The following RPS6KA3 variants were observed in gnomAD, a reference collection of about 807,000 sequenced individuals.
RPS6KA3 encodes the protein ribosomal protein S6 kinase A3, also known as ribosomal protein S6 kinase alpha-3.
A neutral mutation model predicts 67.2 loss-of-function variants in RPS6KA3; 4 were observed. That is an observed-to-expected ratio of 0.06 (90% CI 0.03 to 0.14). The LOEUF is 0.14. Ranked by LOEUF, RPS6KA3 falls within the 10% of genes least tolerant of loss-of-function variation. The probability of loss-of-function intolerance (pLI) is 1.00; values close to 1 mark genes in which losing one functional copy is unlikely to be tolerated. For synonymous variants in RPS6KA3, 182 were observed against 183.7 expected, an observed-to-expected ratio of 0.99 and a Z score of 0.07; for missense variants, 204 against 559.0, an observed-to-expected ratio of 0.36 and a Z score of 6.40.
chrX:20,214,369 T>C (rs1258234062), intron 2 of RPS6KA3, among the ~76,000 whole-genome samples: 1 of 112,616 alleles, frequency 8.9e-6, no homozygotes, highest in African/African-American at 3.2e-5. Context: ...TCTGTAAATG[T>C]TGTTATTTTG....
intron 4 of RPS6KA3, 22 bp downstream of exon 4, chrX:20,204,000 T>C: frequency 1.7e-6 from 2 of 1,143,460 alleles, no homozygotes; most frequent in Non-Finnish European, 2.4e-6. Flanking sequence ...ACATGAACAT[T>C]ACAAATAGCA....
intron 4 of RPS6KA3, 150 bp from the exon 5 acceptor site, chrX:20,195,295 A>G: frequency 4.7e-6 from 2 of 428,406 alleles, no homozygotes; most frequent in Admixed American, 3.6e-5. Context: ...AAAATCAATA[A>G]TGATGTCTTT....
intron 2 of RPS6KA3, among the ~76,000 whole-genome samples, chrX:20,226,811 T>G (rs1013120748): frequency 1.8e-5 from 2 of 111,719 alleles, no homozygotes; most frequent in African/African-American, 6.5e-5. Flanking sequence ...TTATAATACT[T>G]TCTCTTGATT....
intron 1 of RPS6KA3, among the ~76,000 whole-genome samples, chrX:20,249,073 A>G (rs753273257): frequency 8.9e-6 from 1 of 112,296 alleles, no homozygotes; most frequent in Non-Finnish European, 1.9e-5. Context: ...TATAAATCAT[A>G]TAGCATGTGA....
At chrX:20,235,663 C>G (rs2069389092) in intron 1 of RPS6KA3, 1 of 111,265 alleles carries the variant, frequency 9.0e-6, no homozygotes, top group Non-Finnish European at 1.9e-5. Context: ...AAAAACCATT[C>G]AGTATTAACG....
chrX:20,237,067 T>C (rs1212359761), intron 1 of RPS6KA3, among the ~76,000 whole-genome samples: 5 of 111,934 alleles, frequency 4.5e-5, no homozygotes, highest in Admixed American at 9.5e-5. Flanking sequence ...CAGAGGGTTG[T>C]AGTAAAGACT....
chrX:20,179,050 G>C (rs955779621), intron 10 of RPS6KA3, among the ~76,000 whole-genome samples: 21 of 110,982 alleles, frequency 1.9e-4, no homozygotes, highest in African/African-American at 6.6e-4. Context: ...ACTGTTTTCT[G>C]AATACTTTAA....
chrX:20,199,382 T>C (rs1024299965), intron 4 of RPS6KA3, among the ~76,000 whole-genome samples: 20 of 111,437 alleles, frequency 1.8e-4, no homozygotes, highest in Non-Finnish European at 3.4e-4. Flanking sequence ...CTTTCCATAA[T>C]TGAAAAATGT....
At chrX:20,240,452 C>CTT (rs1469783347) in intron 1 of RPS6KA3, 1 of 171,022 alleles carries the variant, frequency 5.8e-6, no homozygotes, top group African/African-American at 3.2e-5. Flanking sequence ...CTCTCTCAAA[C>CTT]TTTGGTTAAG....
At chrX:20,221,170 C>A (rs1247476004) in intron 2 of RPS6KA3, among the ~76,000 whole-genome samples, 1 of 111,306 alleles carries the variant, frequency 9.0e-6, no homozygotes, top group African/African-American at 3.3e-5. Context: ...GAGATTAATA[C>A]CAAATATCAC....
chrX:20,215,277 C>T (rs1335692789), intron 2 of RPS6KA3, among the ~76,000 whole-genome samples: 7 of 110,682 alleles, frequency 6.3e-5, no homozygotes, highest in Non-Finnish European at 1.1e-4. Flanking sequence ...TACTCTCTTC[C>T]CCCCAAAACA....
chrX:20,265,827 G>A (rs896372828), intron 1 of RPS6KA3: 2 of 110,240 alleles, frequency 1.8e-5, no homozygotes, highest in Non-Finnish European at 3.8e-5. Flanking sequence ...ACCAGATCCC[G>A]GGCGAGGAAA....
At chrX:20,211,478 T>C (rs1188444365) in intron 2 of RPS6KA3, among the ~76,000 whole-genome samples, 1 of 109,140 alleles carries the variant, frequency 9.2e-6, no homozygotes, top group African/African-American at 3.3e-5. Flanking sequence ...TTGTAACCGG[T>C]CTGTTAGCTC....
Position 20,230,186 on chromosome X carries a change from T to C in RPS6KA3, c.126+4572A>G, listed in dbSNP as rs1243663604. On this transcript the variant is annotated intron_variant, in intron 2 of 21. Coordinates refer to ENST00000379565, the MANE Select transcript of RPS6KA3 (RefSeq NM_004586.3). ...CATTCATTTAATTAACAAATACTTA[T>C]TGAACACCAACTGGGTACTGGGCAC... is the stretch of plus-strand genomic sequence containing the variant. Among the ~76,000 whole-genome samples, 4 of 112,106 alleles carry C rather than the reference T, an allele frequency of 3.6e-5. No individual in the cohort carries two copies. In the Admixed American group the frequency reaches 3.8e-4, roughly 11 times the overall value.
intron 10 of RPS6KA3, among the ~76,000 whole-genome samples, chrX:20,181,542 T>A (rs2067843872): frequency 8.9e-6 from 1 of 111,799 alleles, no homozygotes; most frequent in Admixed American, 9.6e-5. Flanking sequence ...TATTACTATC[T>A]GAAATTGTTT....
At chrX:20,225,789 T>C (rs1357112133) in intron 2 of RPS6KA3, among the ~76,000 whole-genome samples, 1 of 111,946 alleles carries the variant, frequency 8.9e-6, no homozygotes, top group African/African-American at 3.2e-5. Context: ...AAGGCAACTT[T>C]GTGTGAAGTA....
At chrX:20,175,118 T>C (rs756000642) in intron 14 of RPS6KA3, 46 bp downstream of exon 14, 1 of 1,111,480 alleles carries the variant, frequency 9.0e-7, no homozygotes. Flanking sequence ...GAATGAACTA[T>C]ATCTTACAAC....
Position 20,151,051 on chromosome X carries a change from T to C in RPS6KA3, c.*4347A>G, listed in dbSNP as rs200643266. 13 of 112,721 alleles carry C rather than the reference T, an allele frequency of 1.2e-4. No individual in the cohort carries two copies. In the East Asian group the frequency reaches 3.3e-3, roughly 29 times the overall value. 9.3% of individuals were successfully genotyped at this position (112,721 alleles called of 1,213,427 possible). On this transcript the variant is annotated 3_prime_UTR_variant, in exon 22 of 22. Transcript: ENST00000379565. ...ATCAAAGTGGTAAATGTGAGGCTGA[T>C]AGTAATACCAGGCTTAAGAAAATTA... is the stretch of plus-strand genomic sequence containing the variant.
At chrX:20,263,906 C>G (rs1156448070) in intron 1 of RPS6KA3, among the ~76,000 whole-genome samples, 3 of 111,241 alleles carry the variant, frequency 2.7e-5, no homozygotes, top group Non-Finnish European at 5.7e-5. Flanking sequence ...CAGACCAATC[C>G]TGAAATCTTT....
Sources: gnomAD v4.1 joint callset for allele counts (sites outside exome capture counted in the v4.1 genomes callset) on GRCh38, gnomAD v4.1.1 for gene constraint, MANE v1.5 for transcripts, NCBI Gene and HGNC (gene_info 2026-07-23, HGNC 2026-07-21) for gene names.